Variants in ARID5B observed in about 807,000 individuals in gnomAD.
ARID5B encodes the protein AT-rich interaction domain 5B.
Under a neutral mutation model 97.2 loss-of-function variants are expected in ARID5B, and 13 were observed. The observed-to-expected ratio is 0.13, with a 90% CI of 0.09 to 0.21. The LOEUF is 0.21. ARID5B is among the 10% of genes least tolerant of loss of function. The pLI, the probability that ARID5B is intolerant of heterozygous loss-of-function variation, is 1.00. For synonymous variants in ARID5B, 556 were observed against 570.3 expected (o/e 0.97, Z 0.36); for missense variants, 1,210 against 1,465.3 (o/e 0.83, Z 2.84).
intron 2 of ARID5B, among the ~76,000 whole-genome samples, chr10:61,915,963 T>C (rs1843895928): frequency 6.6e-6 from 1 of 152,128 alleles, no homozygotes; most frequent in Non-Finnish European, 1.5e-5. Flanking sequence ...ACCATGTTGG[T>C]CAGGCAGGTC....
chr10:62,026,172 CACAACCATATGAA>C (rs1294930358), intron 4 of ARID5B, among the ~76,000 whole-genome samples: 1 of 152,198 alleles, frequency 6.6e-6, no homozygotes, highest in Admixed American at 6.5e-5. Context: ...TTGCAAGAAA[CACAACCATATGAA>C]ACAACTGACC....
At chr10:61,941,678 T>C (rs1311173299) in intron 3 of ARID5B, among the ~76,000 whole-genome samples, 1 of 152,206 alleles carries the variant, frequency 6.6e-6, no homozygotes, top group African/African-American at 2.4e-5. Context: ...CATTAATATT[T>C]TCTTGCAGTT....
intron 5 of ARID5B, among the ~76,000 whole-genome samples, chr10:62,054,533 T>C (rs1839830400): frequency 6.6e-6 from 1 of 152,210 alleles, no homozygotes; most frequent in Non-Finnish European, 1.5e-5. Flanking sequence ...GGCAGCAGCC[T>C]GGCTTCATTT....
intron 2 of ARID5B, among the ~76,000 whole-genome samples, chr10:61,918,271 A>G (rs1176233772): frequency 6.6e-6 from 1 of 152,238 alleles, no homozygotes; most frequent in Non-Finnish European, 1.5e-5. Context: ...TTACTCTGCC[A>G]GTTAGTAGCT....
At chr10:62,084,274 A>C (rs921079834) in intron 8 of ARID5B, among the ~76,000 whole-genome samples, 2 of 152,230 alleles carry the variant, frequency 1.3e-5, no homozygotes, top group Non-Finnish European at 1.5e-5. Flanking sequence ...TATTTTATTA[A>C]AGAGCAAAAT....
chr10:62,095,335 G>A lies in ARID5B; in HGVS notation c.*2305G>A, dbSNP rs574711074. On this transcript the variant is annotated 3_prime_UTR_variant, in exon 10 of 10. Coordinates refer to ENST00000279873, the MANE Select transcript of ARID5B (RefSeq NM_032199.3). ...CTTCGGTGGTTCTGCAGCAGACATG[G>A]GCTAGGTCATATGTGGTTTCTATGA... 1 of 233,458 alleles carries A rather than the reference G, an allele frequency of 4.3e-6. No individual in the cohort carries two copies. Among genetic ancestry groups the A allele is most frequent in the South Asian group, 1.8e-4 (1 of 5,506 alleles). 14.5% of individuals were successfully genotyped at this position (233,458 alleles called of 1,614,324 possible).
chr10:62,048,051 G>C (rs1335264939), intron 4 of ARID5B, among the ~76,000 whole-genome samples: 1 of 152,226 alleles, frequency 6.6e-6, no homozygotes, highest in Non-Finnish European at 1.5e-5. Context: ...TCCATTCCCA[G>C]TGCAAACTCA....
At chr10:61,940,986 TTTTTTTTTTTTTTTTG>T (rs1844401174) in intron 3 of ARID5B, among the ~76,000 whole-genome samples, 1 of 98,852 alleles carries the variant, frequency 1.0e-5, no homozygotes, top group African/African-American at 3.9e-5. Flanking sequence ...TTTTTTTTTT[TTTTTTTTTTTTTTTTG>T]CTTCCCTCTT....
chr10:61,941,849 A>G (rs1237575367), intron 3 of ARID5B, among the ~76,000 whole-genome samples: 1 of 152,174 alleles, frequency 6.6e-6, no homozygotes, highest in African/African-American at 2.4e-5. Flanking sequence ...CTTCCTATAT[A>G]TACTGTTACA....
intron 3 of ARID5B, among the ~76,000 whole-genome samples, chr10:61,944,544 A>T (rs1349441262): frequency 6.6e-6 from 1 of 152,218 alleles, no homozygotes; most frequent in East Asian, 1.9e-4. Flanking sequence ...TTTATGTAAC[A>T]CTGATTCTTA....
intron 3 of ARID5B, among the ~76,000 whole-genome samples, chr10:61,940,765 C>T (rs1844385464): frequency 6.6e-6 from 1 of 150,394 alleles, no homozygotes; most frequent in African/African-American, 2.4e-5. Flanking sequence ...AACACCATGT[C>T]CCAATTTCAT....
chr10:62,042,641 G>A (rs1024708027), intron 4 of ARID5B, among the ~76,000 whole-genome samples: 5 of 152,300 alleles, frequency 3.3e-5, no homozygotes, highest in East Asian at 1.9e-4. Context: ...GCTGTGCGTC[G>A]TGGCTCACGC....
chr10:61,971,650 A>C (rs1233456956), intron 3 of ARID5B, among the ~76,000 whole-genome samples: 1 of 152,260 alleles, frequency 6.6e-6, no homozygotes, highest in Non-Finnish European at 1.5e-5. Flanking sequence ...TGTAAACTGT[A>C]GTCATTATTA....
rs922895752 is a variant in ARID5B at position 62,094,615 on chromosome 10, T to C, written c.*1585T>C. On this transcript the variant is annotated 3_prime_UTR_variant, in exon 10 of 10. Coordinates refer to ENST00000279873, the MANE Select transcript of ARID5B (RefSeq NM_032199.3). ...AAGATGTGGAGAATGTCCGTTGTCA[T>C]TCTTGCCACTGTATTCCATTTGCTA... is the stretch of plus-strand genomic sequence containing the variant. 1.7e-5 allele frequency: 4 copies of C among 230,962 alleles called. No individual in the cohort carries two copies. Among genetic ancestry groups the C allele is most frequent in the African/African-American group, 8.8e-5 (4 of 45,216 alleles). The allele number at this position is 230,962 out of a possible 1,614,324, so 14.3% of individuals were successfully genotyped here.
Position 62,094,058 on chromosome 10 carries a change from C to T in ARID5B, c.*1028C>T, listed in dbSNP as rs1840429495. ...CTAGGCTGTGAAACTGTCCTACATACCAGAGAATCATAAAAACAAAAACCT... is the reference window on the plus strand; with the variant it reads ...CTAGGCTGTGAAACTGTCCTACATATCAGAGAATCATAAAAACAAAAACCT... On this transcript the variant is annotated 3_prime_UTR_variant, in exon 10 of 10. Transcript: ENST00000279873. 1 of 233,540 alleles carries T rather than the reference C, an allele frequency of 4.3e-6. No individual in the cohort carries two copies. Among genetic ancestry groups the T allele is most frequent in the Non-Finnish European group, 8.5e-6 (1 of 117,994 alleles). 14.5% of individuals were successfully genotyped at this position (233,540 alleles called of 1,614,324 possible).
intron 4 of ARID5B, among the ~76,000 whole-genome samples, chr10:62,025,642 T>G (rs187963762): frequency 2.5e-4 from 38 of 152,260 alleles, no homozygotes; most frequent in African/African-American, 8.7e-4. Context: ...AGAGGTGTAA[T>G]TAGAAAAACA....
At chr10:62,077,982 C>A (rs1357616217) in intron 8 of ARID5B, among the ~76,000 whole-genome samples, 3 of 152,172 alleles carry the variant, frequency 2.0e-5, no homozygotes, top group African/African-American at 4.8e-5. Flanking sequence ...CTTAACTCTT[C>A]CACTGAAAAC....
At chr10:61,980,084 ACT>A (rs778865214) in intron 3 of ARID5B, among the ~76,000 whole-genome samples, 8 of 150,906 alleles carry the variant, frequency 5.3e-5, no homozygotes, top group Non-Finnish European at 1.0e-4. Flanking sequence ...CAAGAGCGAG[ACT>A]CTGTCTCAAA....
At chr10:62,083,024 GGGA>G (rs1840233745) in intron 8 of ARID5B, among the ~76,000 whole-genome samples, 1 of 151,778 alleles carries the variant, frequency 6.6e-6, no homozygotes, top group Non-Finnish European at 1.5e-5. Context: ...TTAGAAGGGG[GGGA>G]AAAAACACTC....
Sources: gnomAD v4.1 joint callset for allele counts (sites outside exome capture counted in the v4.1 genomes callset) on GRCh38, gnomAD v4.1.1 for gene constraint, MANE v1.5 for transcripts, NCBI Gene and HGNC (gene_info 2026-07-23, HGNC 2026-07-21) for gene names.